The following BCORL1 variants were observed in gnomAD, a reference collection of about 807,000 sequenced individuals.
The protein encoded by BCORL1 is BCL-6 corepressor-like protein 1.
In BCORL1, 7 loss-of-function variants were observed where a neutral mutation model predicts 87.6. The observed-to-expected ratio is 0.08, with a 90% CI of 0.05 to 0.15. The LOEUF (loss-of-function observed/expected upper bound fraction) is 0.15. BCORL1 is among the 10% of genes least tolerant of loss of function. BCORL1 has a pLI of 1.00. For synonymous variants in BCORL1, 591 were observed against 634.4 expected, an observed-to-expected ratio of 0.93 and a Z score of 1.03; for missense variants, 1,215 against 1,499.7, an observed-to-expected ratio of 0.81 and a Z score of 3.13.
Position 130,013,188 on chromosome X carries a change from G to A in BCORL1, c.416G>A (p.Cys139Tyr). The A allele has an allele frequency of 8.2e-7, 1 of 1,212,226 alleles. No homozygotes were observed. Among genetic ancestry groups the A allele is most frequent in the Non-Finnish European group, 1.1e-6 (1 of 895,614 alleles). Residue 139 changes from cysteine to tyrosine, a missense_variant, in exon 4 of 14, where the codon TGC (cysteine) becomes TAC (tyrosine). This residue lies in a region of BCORL1 where 861 missense variants were observed against 1,010.0 expected (regional missense o/e 0.85). Transcript: ENST00000540052. ...SAEASNSRAD[C>Y]SWTPLNTQMS... ...GAGGCCAGCAACAGCAGGGCCGACT[G>A]CTCCTGGACTCCACTCAACACCCAA...
chrX:130,050,655 C>A lies in BCORL1; in HGVS notation c.4841-62C>A, dbSNP rs947950966. 54 of 1,022,669 alleles carry A rather than the reference C, an allele frequency of 5.3e-5. No individual in the cohort carries two copies. In the Middle Eastern group the frequency reaches 1.1e-3, roughly 20 times the overall value. 84.3% of individuals were successfully genotyped at this position (1,022,669 alleles called of 1,213,427 possible). A position where few individuals can be genotyped will look rare whatever the true frequency, so the allele number is the denominator to read the frequency against. On this transcript the variant is annotated intron_variant, in intron 11 of 13. Coordinates refer to ENST00000540052, the MANE Select transcript of BCORL1 (RefSeq NM_001379451.1). ...CCCTTAGCCCCGTATGCATGGACTT[C>A]ACTTGGACATTCCTTCCCCAGCCTA...
At chrX:129,986,326 C>G (rs149608262) in intron 1 of BCORL1, among the ~76,000 whole-genome samples, 109 of 112,239 alleles carry the variant, frequency 9.7e-4, no homozygotes, top group African/African-American at 3.4e-3. Flanking sequence ...CTGCTGGAGT[C>G]TGCATAGGGC....
At chrX:129,991,461 A>T (rs2082251123) in intron 1 of BCORL1, among the ~76,000 whole-genome samples, 1 of 108,362 alleles carries the variant, frequency 9.2e-6, no homozygotes, top group Admixed American at 1.0e-4. Flanking sequence ...CTGTTGCCTC[A>T]GCCTCCTGAG....
intron 1 of BCORL1, among the ~76,000 whole-genome samples, chrX:130,002,337 A>G (rs1287845744): frequency 9.1e-6 from 1 of 109,528 alleles, no homozygotes; most frequent in Non-Finnish European, 1.9e-5. Flanking sequence ...GGGAGTCATC[A>G]GTGCATCAAG....
At chrX:130,007,239 C>G (rs1002605470) in intron 2 of BCORL1, among the ~76,000 whole-genome samples, 6 of 111,862 alleles carry the variant, frequency 5.4e-5, no homozygotes, top group Admixed American at 2.9e-4. Flanking sequence ...TACTGAGGAA[C>G]AAGTTAGAGA....
chrX:130,052,511 C>T (rs1443319986), intron 13 of BCORL1, among the ~76,000 whole-genome samples: 1 of 112,420 alleles, frequency 8.9e-6, no homozygotes, highest in East Asian at 2.8e-4. Context: ...GATGACTGTG[C>T]ATATTATATT....
At chrX:130,051,616 G>C (rs1329250356) in intron 12 of BCORL1, among the ~76,000 whole-genome samples, 1 of 112,273 alleles carries the variant, frequency 8.9e-6, no homozygotes, top group Non-Finnish European at 1.9e-5. Flanking sequence ...CCAGTTGGAG[G>C]GGGGAGTGAT....
At chrX:130,024,867 AT>A (rs1386130056) in intron 6 of BCORL1, 122 bp from the exon 7 acceptor site, 2 of 998,831 alleles carry the variant, frequency 2.0e-6, no homozygotes, top group African/African-American at 3.9e-5. Context: ...GGTACAGCTA[AT>A]AACTGGCAGA....
intron 8 of BCORL1, among the ~76,000 whole-genome samples, chrX:130,029,551 G>A (rs1432860657): frequency 9.1e-6 from 1 of 109,501 alleles, no homozygotes; most frequent in Non-Finnish European, 1.9e-5. Context: ...GAGGGTCCGG[G>A]TTCAAATGTA....
chrX:130,047,600 C>G (rs1241174174), intron 11 of BCORL1, among the ~76,000 whole-genome samples: 1 of 112,120 alleles, frequency 8.9e-6, no homozygotes, highest in East Asian at 2.8e-4. Context: ...CAGAGAGGAG[C>G]CCCAGGAATG....
chrX:130,021,384 G>T, intron 5 of BCORL1: 1 of 532,632 alleles, frequency 1.9e-6, no homozygotes, highest in Non-Finnish European at 2.3e-6. Flanking sequence ...GTGGTTTTCC[G>T]ACACAAACAC....
chrX:130,048,515 C>T (rs1273572133), intron 11 of BCORL1, among the ~76,000 whole-genome samples: 2 of 111,889 alleles, frequency 1.8e-5, no homozygotes, highest in Admixed American at 9.5e-5. Flanking sequence ...ACTTTTTGTT[C>T]AGGTAGGAAT....
At chrX:130,022,135 A>G (rs1349133466) in intron 5 of BCORL1, among the ~76,000 whole-genome samples, 1 of 105,939 alleles carries the variant, frequency 9.4e-6, no homozygotes, top group African/African-American at 3.5e-5. Context: ...CCTTGTTCCT[A>G]TCTTCCCACC....
intron 1 of BCORL1, among the ~76,000 whole-genome samples, chrX:129,988,463 T>A (rs1314701079): frequency 1.3e-4 from 14 of 110,703 alleles, no homozygotes; most frequent in African/African-American, 4.6e-4. Flanking sequence ...GATCTTTTTT[T>A]TAAAAAAAAA....
intron 1 of BCORL1, among the ~76,000 whole-genome samples, chrX:129,983,211 G>C (rs1251693438): frequency 9.2e-6 from 1 of 109,102 alleles, no homozygotes; most frequent in Non-Finnish European, 1.9e-5. Context: ...CGTTCGCCAC[G>C]ATCCAAGAGA....
chrX:130,022,242 T>C (rs1929899908), intron 5 of BCORL1, among the ~76,000 whole-genome samples: 1 of 69,399 alleles, frequency 1.4e-5, no homozygotes, highest in African/African-American at 5.8e-5. Flanking sequence ...CTTTCTTTTT[T>C]TTTTTTTTTT....
intron 1 of BCORL1, among the ~76,000 whole-genome samples, chrX:129,994,448 C>T (rs1244524519): frequency 3.6e-5 from 4 of 111,825 alleles, no homozygotes; most frequent in Admixed American, 9.6e-5. Context: ...TGGATGCTAA[C>T]GCTCACAGAG....
chrX:129,980,860 C>T (rs1433559062), upstream of BCORL1, among the ~76,000 whole-genome samples: 1 of 72,809 alleles, frequency 1.4e-5, no homozygotes, highest in Admixed American at 1.5e-4. Flanking sequence ...AGCGGTAGGG[C>T]GGGGCGGCGC....
At chrX:129,982,417 GTCCCTCCCTCTCTTGCTCGC>G (rs1454098097), upstream of BCORL1, among the ~76,000 whole-genome samples, 3 of 110,743 alleles carry the variant, frequency 2.7e-5, no homozygotes, top group African/African-American at 9.9e-5. Context: ...CCCTGCTTTC[GTCCCTCCCTCTCTTGCTCGC>G]TCCCTCCCTT....
Sources: allele counts gnomAD v4.1 joint callset (sites outside exome capture counted in the v4.1 genomes callset), GRCh38; gene constraint gnomAD v4.1.1; regional missense constraint gnomAD v4.1.1; transcripts MANE v1.5; gene names NCBI Gene and HGNC (gene_info 2026-07-23, HGNC 2026-07-21).